SLC9A9: variants seen among roughly 807,000 people sequenced by gnomAD.
SLC9A9 encodes the protein solute carrier family 9 member A9, also known as sodium/hydrogen exchanger 9.
SLC9A9 carries 62 observed loss-of-function variants against 77.8 expected under a neutral mutation model. The ratio of observed to expected loss-of-function variants is 0.80; its 90% CI spans 0.65 to 0.98. The LOEUF (loss-of-function observed/expected upper bound fraction) is 0.98, where lower values mean the gene tolerates loss of function less well. SLC9A9 is among the 50% of genes least tolerant of loss of function. SLC9A9 has a pLI of 0.00. For missense variants in SLC9A9, 775 were observed against 774.9 expected (o/e 1.00, Z 0.00); for synonymous variants, 320 against 283.5 (o/e 1.13, Z -1.29).
intron 14 of SLC9A9, among the ~76,000 whole-genome samples, chr3:143,320,999 G>C (rs2031399878): frequency 6.6e-6 from 1 of 152,188 alleles, no homozygotes; most frequent in Non-Finnish European, 1.5e-5. Context: ...GAATACTAAG[G>C]ATTGCCAGCA....
At chr3:143,663,729 C>A (rs2039017695) in intron 5 of SLC9A9, among the ~76,000 whole-genome samples, 1 of 151,760 alleles carries the variant, frequency 6.6e-6, no homozygotes, top group Non-Finnish European at 1.5e-5. Flanking sequence ...GATGGAAGAT[C>A]AAATTAATGA....
At chr3:143,594,658 C>T (rs970682434) in intron 6 of SLC9A9, among the ~76,000 whole-genome samples, 2 of 152,004 alleles carry the variant, frequency 1.3e-5, no homozygotes, top group Non-Finnish European at 2.9e-5. Flanking sequence ...CGGTAAGTTC[C>T]TATCTTGGGT....
intron 8 of SLC9A9, among the ~76,000 whole-genome samples, chr3:143,563,432 C>T (rs917208578): frequency 4.6e-5 from 7 of 152,144 alleles, no homozygotes; most frequent in South Asian, 2.1e-4. Flanking sequence ...TAAGAAAAAA[C>T]GTGCAATACT....
At chr3:143,372,459 A>T (rs143467561) in intron 13 of SLC9A9, among the ~76,000 whole-genome samples, 4 of 151,540 alleles carry the variant, frequency 2.6e-5, no homozygotes, top group Admixed American at 6.6e-5. Context: ...CTCACCTTAT[A>T]AAAAAAAACT....
Position 143,826,473 on chromosome 3 carries a change from T to C in SLC9A9, c.378+5546A>G, listed in dbSNP as rs200131236. On this transcript the variant is annotated intron_variant, in intron 2 of 15. Coordinates refer to ENST00000316549, the MANE Select transcript of SLC9A9 (RefSeq NM_173653.4). ...CCTCGTTTTTCTTGCATCTACCTCTTGGTTACCATCCAAGTCTAGGCTTCA... is the reference window on the plus strand; with the variant it reads ...CCTCGTTTTTCTTGCATCTACCTCTCGGTTACCATCCAAGTCTAGGCTTCA... Among the ~76,000 whole-genome samples, 136 of 152,268 alleles carry C rather than the reference T, an allele frequency of 8.9e-4. 1 individual carries two copies. The highest frequency in any genetic ancestry group is 6.7e-3 in the Admixed American group (103 of 15,288).
chr3:143,526,136 GT>G (rs577350009), intron 9 of SLC9A9, among the ~76,000 whole-genome samples: 116 of 152,282 alleles, frequency 7.6e-4, no homozygotes, highest in African/African-American at 2.7e-3. Flanking sequence ...TGGCTGTGAT[GT>G]CTAGGTCTTT....
chr3:143,807,947 C>T (rs912142816), intron 2 of SLC9A9, among the ~76,000 whole-genome samples: 13 of 152,078 alleles, frequency 8.5e-5, no homozygotes, highest in Non-Finnish European at 1.2e-4. Flanking sequence ...GAGACCATCT[C>T]GATGCTTTAA....
At chr3:143,811,777 G>T in intron 2 of SLC9A9, 1 of 450,608 alleles carries the variant, frequency 2.2e-6, no homozygotes. Flanking sequence ...CACGAGAATC[G>T]CATGAACCCG....
chr3:143,459,729 C>G (rs838611), intron 12 of SLC9A9, among the ~76,000 whole-genome samples: 106,874 of 151,956 alleles, frequency 0.7, 38,304 homozygotes, highest in African/African-American at 0.83. Flanking sequence ...ACATTTTCTA[C>G]CTTCCCAAAG....
intron 6 of SLC9A9, among the ~76,000 whole-genome samples, chr3:143,628,949 A>C (rs1488099293): frequency 6.6e-6 from 1 of 152,204 alleles, no homozygotes; most frequent in African/African-American, 2.4e-5. Context: ...TTAAGTATAT[A>C]TATTTTTTCC....
At chr3:143,682,632 T>C (rs955946376) in intron 5 of SLC9A9, among the ~76,000 whole-genome samples, 1 of 152,140 alleles carries the variant, frequency 6.6e-6, no homozygotes, top group African/African-American at 2.4e-5. Context: ...TATTAGAAGT[T>C]CAACACATGT....
intron 14 of SLC9A9, among the ~76,000 whole-genome samples, chr3:143,335,611 G>A (rs2031899343): frequency 1.3e-5 from 2 of 152,104 alleles, no homozygotes; most frequent in South Asian, 2.1e-4. Flanking sequence ...CTAGAAATAA[G>A]CTCTTGTATG....
intron 4 of SLC9A9, among the ~76,000 whole-genome samples, chr3:143,734,429 G>A (rs1327204369): frequency 2.0e-5 from 3 of 152,104 alleles, no homozygotes; most frequent in African/African-American, 7.2e-5. Flanking sequence ...ATCTGGGTGG[G>A]GAGGTGATAG....
At chr3:143,767,233 T>C (rs2007349567) in intron 4 of SLC9A9, among the ~76,000 whole-genome samples, 1 of 152,150 alleles carries the variant, frequency 6.6e-6, no homozygotes. Context: ...CCAGGGTGTC[T>C]TTGGGCAGGA....
chr3:143,702,346 A>G (rs1436754509), intron 4 of SLC9A9, among the ~76,000 whole-genome samples: 1 of 152,170 alleles, frequency 6.6e-6, no homozygotes, highest in Non-Finnish European at 1.5e-5. Flanking sequence ...ATCAAAAATA[A>G]TAACTACAAC....
intron 14 of SLC9A9, among the ~76,000 whole-genome samples, chr3:143,302,340 C>T (rs1460521895): frequency 6.6e-6 from 1 of 152,028 alleles, no homozygotes; most frequent in Non-Finnish European, 1.5e-5. Context: ...TTAATGAATG[C>T]TTGTCTAAAA....
At chr3:143,570,644 A>T (rs1254848759) in intron 8 of SLC9A9, among the ~76,000 whole-genome samples, 1 of 152,126 alleles carries the variant, frequency 6.6e-6, no homozygotes, top group Non-Finnish European at 1.5e-5. Flanking sequence ...GTTTTGGAAA[A>T]CATTCACTAT....
chr3:143,830,997 A>G (rs2009420887), intron 2 of SLC9A9, among the ~76,000 whole-genome samples: 1 of 152,168 alleles, frequency 6.6e-6, no homozygotes, highest in Non-Finnish European at 1.5e-5. Flanking sequence ...GAGGAAGTTA[A>G]TCTAAAAATG....
At chr3:143,323,306 G>A (rs961082658) in intron 14 of SLC9A9, among the ~76,000 whole-genome samples, 8 of 152,082 alleles carry the variant, frequency 5.3e-5, no homozygotes, top group Admixed American at 1.3e-4. Flanking sequence ...GCAGAGATAC[G>A]GAATCAACCT....
Sources: allele counts gnomAD v4.1 joint callset (sites outside exome capture counted in the v4.1 genomes callset), GRCh38; gene constraint gnomAD v4.1.1; transcripts MANE v1.5; gene names NCBI Gene and HGNC (gene_info 2026-07-23, HGNC 2026-07-21).